Variants in KIF5C observed in about 807,000 individuals in gnomAD.
KIF5C encodes kinesin family member 5C, also known as kinesin heavy chain isoform 5C.
A neutral mutation model predicts 125.2 loss-of-function variants in KIF5C; 18 were observed. The ratio of observed to expected loss-of-function variants is 0.14; its 90% confidence interval spans 0.10 to 0.21. The LOEUF (loss-of-function observed/expected upper bound fraction) is 0.21, where lower values mean the gene tolerates loss of function less well. KIF5C is among the 10% of genes least tolerant of loss of function. KIF5C has a pLI of 1.00. For synonymous variants in KIF5C, 405 were observed against 434.0 expected (o/e 0.93, Z 0.83); for missense variants, 780 against 1,183.8 (o/e 0.66, Z 5.01).
intron 22 of KIF5C, among the ~76,000 whole-genome samples, chr2:149,006,209 G>A (rs1033184547): frequency 1.4e-4 from 21 of 152,210 alleles, no homozygotes; most frequent in Admixed American, 5.9e-4. Flanking sequence ...TTGAGTGTGT[G>A]TACGTGTGTG....
intron 18 of KIF5C, 113 bp from the exon 19 acceptor site, chr2:148,998,287 G>T: frequency 3.4e-6 from 5 of 1,481,798 alleles, no homozygotes; most frequent in Non-Finnish European, 4.5e-6. Context: ...CCAGTTTTGG[G>T]ATCTGACATC....
At chr2:149,014,537 G>C (rs1682304027) in intron 25 of KIF5C, among the ~76,000 whole-genome samples, 1 of 152,174 alleles carries the variant, frequency 6.6e-6, no homozygotes, top group Non-Finnish European at 1.5e-5. Flanking sequence ...CAAGGGACCT[G>C]GGTTCAGGTG....
intron 1 of KIF5C, chr2:148,883,750 C>A (rs1045268123): frequency 6.6e-6 from 1 of 152,038 alleles, no homozygotes; most frequent in Admixed American, 6.5e-5. Flanking sequence ...TATGCCTAAT[C>A]AATACTTTAT....
chr2:148,895,486 T>A (rs932256474), intron 1 of KIF5C, among the ~76,000 whole-genome samples: 1 of 148,138 alleles, frequency 6.8e-6, no homozygotes, highest in Non-Finnish European at 1.5e-5. Flanking sequence ...TTTTTGGCCC[T>A]AAATGATAGA....
intron 11 of KIF5C, among the ~76,000 whole-genome samples, chr2:148,968,332 T>C (rs1680801909): frequency 6.6e-6 from 1 of 152,248 alleles, no homozygotes; most frequent in Non-Finnish European, 1.5e-5. Flanking sequence ...CCAGCAGACA[T>C]GGTTCAGTAA....
chr2:149,009,389 CAGCAGT>C (rs1226451455), intron 23 of KIF5C, among the ~76,000 whole-genome samples: 1 of 152,200 alleles, frequency 6.6e-6, no homozygotes, highest in Non-Finnish European at 1.5e-5. Flanking sequence ...GCAGGAGACC[CAGCAGT>C]AGCTCACTTT....
rs375390507 is a variant in KIF5C at position 149,001,816 on chromosome 2, C to T, written c.2373+1034C>T. On this transcript the variant is annotated intron_variant, in intron 21 of 25. Coordinates refer to ENST00000435030, the MANE Select transcript of KIF5C (RefSeq NM_004522.3). The stretch of plus-strand genomic sequence containing the variant: ...GGTTAGATACAGTCATCCATTTTGG[C>T]TCCGTTCATGGGTCATGTGGATCTG... Among the ~76,000 whole-genome samples the T allele has an allele frequency of 5.3e-5, 8 of 152,344 alleles. No homozygotes were observed. The East Asian group carries it at 1.2e-3, about 22-fold the overall frequency.
intron 16 of KIF5C, among the ~76,000 whole-genome samples, chr2:148,993,012 T>G (rs1469271637): frequency 1.3e-5 from 2 of 152,190 alleles, no homozygotes; most frequent in Non-Finnish European, 2.9e-5. Flanking sequence ...CCAACTCCCT[T>G]TTGCACCCGG....
In KIF5C at chr2:148,875,673, A is replaced by AAGAAG; in HGVS notation, c.56_57insAGAAG (p.Asn19LysfsTer24). 6.3e-7 allele frequency: 1 copy of AAGAAG among 1,579,566 alleles called. No homozygotes were observed. The highest frequency in any genetic ancestry group is 8.6e-7 in the Non-Finnish European group (1 of 1,162,630). Reference sequence around the variant, plus strand: ...GTGATGTGCCGGTTCCGGCCCCTCAACGAAGCGGAGATCCTCCGCGGGGAC... The same window carrying AAGAAG: ...GTGATGTGCCGGTTCCGGCCCCTCAAAGAAGCGAAGCGGAGATCCTCCGCGGGGAC... On this transcript the variant is annotated frameshift_variant, in exon 1 of 26. Transcript: ENST00000435030. LOFTEE classifies it high-confidence loss of function.
intron 3 of KIF5C, among the ~76,000 whole-genome samples, chr2:148,933,195 A>G (rs1460010826): frequency 2.6e-5 from 4 of 152,076 alleles, no homozygotes; most frequent in East Asian, 1.9e-4. Context: ...AAACTTAACC[A>G]TTCTTCAAGA....
At chr2:148,973,925 A>G (rs1285309382) in intron 12 of KIF5C, among the ~76,000 whole-genome samples, 3 of 152,222 alleles carry the variant, frequency 2.0e-5, no homozygotes, top group Non-Finnish European at 2.9e-5. Context: ...GAATTCAAGC[A>G]TGTACTTTAA....
chr2:148,999,137 G>A lies in KIF5C; in HGVS notation c.2210+628G>A, dbSNP rs191894598. On this transcript the variant is annotated intron_variant, in intron 19 of 25. Coordinates refer to ENST00000435030, the MANE Select transcript of KIF5C (RefSeq NM_004522.3). ...CCTCATGTTGTGCTCCTGCCTTGTC[G>A]CAGCCTCTGACATGCCCTCTGCTCC... Among the ~76,000 whole-genome samples, 176 of 152,288 alleles carry A rather than the reference G, an allele frequency of 1.2e-3. 2 individuals carry two copies. The highest frequency in any genetic ancestry group is 3.6e-3 in the African/African-American group (151 of 41,562).
chr2:148,960,285 C>G (rs1682895604), intron 10 of KIF5C, among the ~76,000 whole-genome samples: 1 of 152,192 alleles, frequency 6.6e-6, no homozygotes, highest in African/African-American at 2.4e-5. Flanking sequence ...TCAAGGGACT[C>G]TTTATGATTT....
intron 1 of KIF5C, among the ~76,000 whole-genome samples, chr2:148,890,131 C>T (rs1033704498): frequency 4.6e-5 from 7 of 152,056 alleles, no homozygotes; most frequent in Non-Finnish European, 8.8e-5. Context: ...GAAAAATTTA[C>T]CTATACTGCT....
intron 1 of KIF5C, among the ~76,000 whole-genome samples, chr2:148,897,918 CAAAAAAAAAAAAAAAAA>C (rs55762538): frequency 1.5e-3 from 30 of 20,452 alleles, no homozygotes; most frequent in Middle Eastern, 0.091. Context: ...GACTCAGTCT[CAAAAAAAAAAAAAAAAA>C]AAAAAAAAAA....
chr2:148,875,608 G>A lies in KIF5C; in HGVS notation c.-10G>A. Reference sequence around the variant, plus strand: ...CCCATCCCCGTGCCCCCTCCCTACCGCCGGCCGAGATGGCGGATCCAGCCG... The same window carrying A: ...CCCATCCCCGTGCCCCCTCCCTACCACCGGCCGAGATGGCGGATCCAGCCG... On this transcript the variant is annotated 5_prime_UTR_variant, in exon 1 of 26. Coordinates refer to ENST00000435030, the MANE Select transcript of KIF5C (RefSeq NM_004522.3). 1 of 512,058 alleles carries A rather than the reference G, an allele frequency of 2.0e-6. No homozygotes were observed. The highest frequency in any genetic ancestry group is 2.8e-6 in the Non-Finnish European group (1 of 359,624). 31.7% of individuals were successfully genotyped at this position (512,058 alleles called of 1,614,324 possible). A position where few individuals can be genotyped will look rare whatever the true frequency, so the allele number is the denominator to read the frequency against.
chr2:148,893,454 C>T (rs1681760480), intron 1 of KIF5C, among the ~76,000 whole-genome samples: 1 of 152,212 alleles, frequency 6.6e-6, no homozygotes, highest in African/African-American at 2.4e-5. Context: ...CTGCCTTTCT[C>T]AAACCTAACT....
At chr2:148,903,828 C>T (rs773305868) in intron 1 of KIF5C, among the ~76,000 whole-genome samples, 1 of 152,154 alleles carries the variant, frequency 6.6e-6, no homozygotes, top group African/African-American at 2.4e-5. Context: ...GCCTTGAGCA[C>T]TTAACTAGAA....
chr2:148,950,576 A>G, intron 10 of KIF5C, 114 bp downstream of exon 10: 2 of 1,375,758 alleles, frequency 1.5e-6, no homozygotes, highest in South Asian at 1.8e-5. Context: ...TGGGAGGCCA[A>G]GGCGGGTGGA....
Sources: allele counts gnomAD v4.1 joint callset (sites outside exome capture counted in the v4.1 genomes callset), GRCh38; gene constraint gnomAD v4.1.1; transcripts MANE v1.5; gene names NCBI Gene and HGNC (gene_info 2026-07-23, HGNC 2026-07-21).